PPP2R2B: variants seen among roughly 807,000 people sequenced by gnomAD.
PPP2R2B encodes the protein protein phosphatase 2 regulatory subunit Bbeta, also known as serine/threonine-protein phosphatase 2A 55 kDa regulatory subunit B beta isoform.
A neutral mutation model predicts 46.0 loss-of-function variants in PPP2R2B; 5 were observed. The observed-to-expected ratio is 0.11, with a 90% CI of 0.06 to 0.23. The LOEUF is 0.23. PPP2R2B is among the 10% of genes least tolerant of loss of function. The pLI, the probability that PPP2R2B is intolerant of heterozygous loss-of-function variation, is 1.00. For synonymous variants in PPP2R2B, 215 were observed against 206.7 expected, an observed-to-expected ratio of 1.04 and a Z score of -0.34; for missense variants, 367 against 575.0, an observed-to-expected ratio of 0.64 and a Z score of 3.70.
chr5:146,643,926 C>G (rs1775400592), intron 6 of PPP2R2B, among the ~76,000 whole-genome samples: 1 of 152,102 alleles, frequency 6.6e-6, no homozygotes, highest in Non-Finnish European at 1.5e-5. Context: ...CCTTTGCCAC[C>G]GCTATTCAAC....
At chr5:146,921,445 C>G (rs1273183107) in intron 1 of PPP2R2B, among the ~76,000 whole-genome samples, 1 of 152,178 alleles carries the variant, frequency 6.6e-6, no homozygotes, top group East Asian at 1.9e-4. Context: ...TGGAGACATC[C>G]AGCAACTCGC....
chr5:146,725,848 G>A (rs1056925907), intron 2 of PPP2R2B, among the ~76,000 whole-genome samples: 1 of 152,118 alleles, frequency 6.6e-6, no homozygotes, highest in African/African-American at 2.4e-5. Flanking sequence ...CTCTAAAAGG[G>A]CAGGGCCCAT....
intron 2 of PPP2R2B, among the ~76,000 whole-genome samples, chr5:146,822,534 G>GTTT (rs1561935089): frequency 7.5e-6 from 1 of 133,938 alleles, no homozygotes; most frequent in African/African-American, 2.8e-5. Context: ...CTTCATTTTT[G>GTTT]GTTTTTTTTT....
intron 2 of PPP2R2B, 72 bp from the exon 3 acceptor site, chr5:146,701,214 T>C: frequency 7.8e-7 from 1 of 1,278,706 alleles, no homozygotes; most frequent in Admixed American, 1.7e-5. Flanking sequence ...ATAGATATAC[T>C]TTTCTGTGCA....
At chr5:146,686,658 T>G (rs1054820403) in intron 5 of PPP2R2B, among the ~76,000 whole-genome samples, 2 of 152,182 alleles carry the variant, frequency 1.3e-5, no homozygotes, top group Admixed American at 1.3e-4. Context: ...TTATGACCAG[T>G]CACAGCTTGG....
chr5:146,885,329 T>C (rs1287043574), intron 1 of PPP2R2B, among the ~76,000 whole-genome samples: 4 of 152,216 alleles, frequency 2.6e-5, no homozygotes, highest in Non-Finnish European at 5.9e-5. Context: ...ATTTGAGCTA[T>C]TGTGAGTGTG....
At chr5:146,907,093 G>A (rs1199441009) in intron 1 of PPP2R2B, among the ~76,000 whole-genome samples, 6 of 152,272 alleles carry the variant, frequency 3.9e-5, no homozygotes, top group South Asian at 2.1e-4. Context: ...ATGCCATTCC[G>A]ACAGGGAAGT....
intron 1 of PPP2R2B, among the ~76,000 whole-genome samples, chr5:146,897,261 G>C (rs748349049): frequency 3.3e-5 from 5 of 152,186 alleles, no homozygotes; most frequent in Non-Finnish European, 5.9e-5. Context: ...GATGATGTGG[G>C]ATGAAGGGTG....
upstream of PPP2R2B, among the ~76,000 whole-genome samples, chr5:147,056,924 C>T (rs1757105387): frequency 6.6e-6 from 1 of 152,178 alleles, no homozygotes; most frequent in Non-Finnish European, 1.5e-5. Flanking sequence ...GTCCTTCATG[C>T]TGCATTCAGA....
chr5:147,030,126 G>A (rs1755712219), intron 1 of PPP2R2B, among the ~76,000 whole-genome samples: 1 of 152,102 alleles, frequency 6.6e-6, no homozygotes, highest in African/African-American at 2.4e-5. Context: ...TTCCATCTGT[G>A]AACATGATAT....
Position 146,749,727 on chromosome 5 carries a change from T to C in PPP2R2B, c.71-48585A>G, listed in dbSNP as rs1753431552. Among the ~76,000 whole-genome samples, 3 of 150,518 alleles carry C rather than the reference T, an allele frequency of 2.0e-5. No homozygotes were observed. In the East Asian group the frequency reaches 5.9e-4, roughly 30 times the overall value. ...CATTGTCCTGCCTCAGCCTCCCGAG[T>C]AGCTGGGACTACAGGCGCCTGCCAC... On this transcript the variant is annotated intron_variant, in intron 2 of 9. Transcript: ENST00000394411.
intron 2 of PPP2R2B, among the ~76,000 whole-genome samples, chr5:146,757,875 C>T (rs776341839): frequency 2.0e-5 from 3 of 152,186 alleles, no homozygotes; most frequent in Non-Finnish European, 4.4e-5. Context: ...AGGGTTTAAA[C>T]TTCCATTTTC....
At chr5:147,042,714 C>T (rs1561595248) in intron 1 of PPP2R2B, among the ~76,000 whole-genome samples, 1 of 152,018 alleles carries the variant, frequency 6.6e-6, no homozygotes, top group Non-Finnish European at 1.5e-5. Context: ...TAAACAAATA[C>T]ATAATATGTC....
chr5:146,863,151 A>T (rs536086943), intron 2 of PPP2R2B, among the ~76,000 whole-genome samples: 2 of 152,272 alleles, frequency 1.3e-5, no homozygotes, highest in East Asian at 3.9e-4. Flanking sequence ...TCTTGTTCAC[A>T]AATGGAACTG....
chr5:146,652,633 G>A (rs576366212), intron 5 of PPP2R2B, among the ~76,000 whole-genome samples: 8 of 152,260 alleles, frequency 5.3e-5, no homozygotes, highest in East Asian at 1.9e-4. Context: ...TCTGAGGGAT[G>A]TGCAAAGGTC....
intron 2 of PPP2R2B, among the ~76,000 whole-genome samples, chr5:146,863,627 C>CCCAT: frequency 6.7e-6 from 1 of 150,242 alleles, no homozygotes; most frequent in Admixed American, 6.6e-5. Flanking sequence ...CATTCAACTG[C>CCCAT]CCATCCATCC....
chr5:147,011,414 CTA>C (rs911993356), intron 1 of PPP2R2B, among the ~76,000 whole-genome samples: 4 of 152,058 alleles, frequency 2.6e-5, no homozygotes, highest in African/African-American at 9.7e-5. Flanking sequence ...CACAAATAAA[CTA>C]TATATAACTA....
chr5:146,721,779 C>A (rs1780814430), intron 2 of PPP2R2B, among the ~76,000 whole-genome samples: 1 of 152,222 alleles, frequency 6.6e-6, no homozygotes, highest in African/African-American at 2.4e-5. Flanking sequence ...CCACTGTGTG[C>A]CTGGCACTGA....
intron 1 of PPP2R2B, among the ~76,000 whole-genome samples, chr5:146,977,585 C>T (rs1294636802): frequency 3.3e-5 from 5 of 152,130 alleles, no homozygotes; most frequent in South Asian, 4.1e-4. Context: ...TCCATGTGTT[C>T]TCACTGTTCA....
Sources: gnomAD v4.1 joint callset for allele counts (sites outside exome capture counted in the v4.1 genomes callset) on GRCh38, gnomAD v4.1.1 for gene constraint, MANE v1.5 for transcripts, NCBI Gene and HGNC (gene_info 2026-07-23, HGNC 2026-07-21) for gene names.